EMP2: variants seen among roughly 807,000 people sequenced by gnomAD.
EMP2 encodes epithelial membrane protein 2.
EMP2 carries 19 observed loss-of-function variants against 13.7 expected under a neutral mutation model. The ratio of observed to expected loss-of-function variants is 1.38; its 90% confidence interval spans 0.97 to 2.03. The LOEUF (loss-of-function observed/expected upper bound fraction) is 2.03, where lower values mean the gene tolerates loss of function less well. EMP2 is among the 30% of genes most tolerant of loss of function. The pLI is 0.00. For synonymous variants in EMP2, 97 were observed against 84.7 expected (o/e 1.15, Z -0.80); for missense variants, 253 against 220.7 (o/e 1.15, Z -0.93).
chr16:10,536,386 G>T (rs1202040730), intron 4 of EMP2, among the ~76,000 whole-genome samples: 1 of 152,124 alleles, frequency 6.6e-6, no homozygotes, highest in Non-Finnish European at 1.5e-5. Context: ...CACATGTCAA[G>T]GACGGGGCTA....
At chr16:10,559,750 C>T (rs1023824408) in intron 1 of EMP2, among the ~76,000 whole-genome samples, 1 of 152,218 alleles carries the variant, frequency 6.6e-6, no homozygotes, top group African/African-American at 2.4e-5. Context: ...TCTCAGCTCA[C>T]TGTAACCTCC....
chr16:10,545,323 T>A (rs1260113608), intron 2 of EMP2: 1 of 152,208 alleles, frequency 6.6e-6, no homozygotes, highest in Non-Finnish European at 1.5e-5. Flanking sequence ...GTCCAAATAC[T>A]ATAATCTAGG....
At chr16:10,571,467 G>C (rs1596382603) in intron 1 of EMP2, among the ~76,000 whole-genome samples, 2 of 152,082 alleles carry the variant, frequency 1.3e-5, no homozygotes, top group African/African-American at 4.8e-5. Flanking sequence ...GTGGGGACAG[G>C]AAATCAGCAT....
At chr16:10,550,138 G>A (rs957263057) in intron 1 of EMP2, among the ~76,000 whole-genome samples, 5 of 151,998 alleles carry the variant, frequency 3.3e-5, no homozygotes, top group African/African-American at 9.7e-5. Context: ...CGCCTGCCTC[G>A]GCCTCCCAAA....
intron 1 of EMP2, among the ~76,000 whole-genome samples, chr16:10,579,637 T>A (rs2051009215): frequency 6.6e-6 from 1 of 151,882 alleles, no homozygotes; most frequent in African/African-American, 2.4e-5. Flanking sequence ...CACACTGTAT[T>A]TGAACTGGAG....
At position 10,529,150 on chromosome 16, in the gene EMP2, T is replaced by C. The variant is rs539743440; in HGVS notation, c.*3755A>G. The C allele has an allele frequency of 6.6e-6, 1 of 152,320 alleles. No homozygotes were observed. Among genetic ancestry groups the C allele is most frequent in the South Asian group, 2.1e-4 (1 of 4,828 alleles). The allele number at this position is 152,320 out of a possible 1,614,324, so 9.4% of individuals were successfully genotyped here. ...CTGTCTCCATCACATAGCCCCTCAATGAAAGAATTACAGTACTTTATAAAA... is the reference window on the plus strand; with the variant it reads ...CTGTCTCCATCACATAGCCCCTCAACGAAAGAATTACAGTACTTTATAAAA... On this transcript the variant is annotated 3_prime_UTR_variant, in exon 5 of 5. Transcript: ENST00000359543.
chr16:10,542,195 C>T (rs565502226), intron 3 of EMP2, among the ~76,000 whole-genome samples: 7 of 152,092 alleles, frequency 4.6e-5, no homozygotes, highest in African/African-American at 9.6e-5. Flanking sequence ...CCCAGGAGTT[C>T]GAGACCAGCC....
chr16:10,539,044 A>G (rs1023671680), intron 3 of EMP2, among the ~76,000 whole-genome samples: 2 of 151,744 alleles, frequency 1.3e-5, no homozygotes, highest in Non-Finnish European at 2.9e-5. Context: ...TAAAATGGGG[A>G]TACTAATAGC....
intron 1 of EMP2, among the ~76,000 whole-genome samples, chr16:10,566,592 T>C (rs534026110): frequency 2.0e-5 from 3 of 152,168 alleles, no homozygotes; most frequent in Non-Finnish European, 4.4e-5. Context: ...GCATCATGAA[T>C]CCCACTGTGC....
chr16:10,575,237 C>CTTTTT (rs761837614), intron 1 of EMP2, among the ~76,000 whole-genome samples: 609 of 52,458 alleles, frequency 0.012, 153 homozygotes, highest in East Asian at 0.034. Context: ...AGCTTGCATT[C>CTTTTT]TTTTTTTTTT....
At chr16:10,548,215 T>C (rs76656345) in intron 1 of EMP2, among the ~76,000 whole-genome samples, 4,398 of 152,184 alleles carry the variant, frequency 0.029, 226 homozygotes, top group African/African-American at 0.099. Flanking sequence ...GAATCCCTAA[T>C]TGAGAAAAGC....
chr16:10,566,781 G>T (rs942413060), intron 1 of EMP2, among the ~76,000 whole-genome samples: 1 of 152,116 alleles, frequency 6.6e-6, no homozygotes, highest in Non-Finnish European at 1.5e-5. Context: ...CACAGAGCAT[G>T]CGAGGCTCTT....
At chr16:10,575,790 G>A (rs2050980393) in intron 1 of EMP2, among the ~76,000 whole-genome samples, 1 of 151,966 alleles carries the variant, frequency 6.6e-6, no homozygotes, top group Non-Finnish European at 1.5e-5. Flanking sequence ...CAGACAGCTG[G>A]CAAAGGTCAT....
At chr16:10,556,996 T>A (rs1264384156) in intron 1 of EMP2, among the ~76,000 whole-genome samples, 1 of 152,118 alleles carries the variant, frequency 6.6e-6, no homozygotes, top group Non-Finnish European at 1.5e-5. Context: ...AGGCAACCTC[T>A]CTCTGCACTG....
At chr16:10,578,340 G>A (rs1465629923) in intron 1 of EMP2, among the ~76,000 whole-genome samples, 1 of 152,184 alleles carries the variant, frequency 6.6e-6, no homozygotes, top group African/African-American at 2.4e-5. Flanking sequence ...TATGTGAGAG[G>A]CAGAGAAAAG....
In EMP2 at chr16:10,528,988, G is replaced by C. The variant is rs113696601; in HGVS notation, c.*3917C>G. 22 of 152,156 alleles carry C rather than the reference G, an allele frequency of 1.4e-4. 2 individuals carry two copies. Among genetic ancestry groups the C allele is most frequent in the African/African-American group, 5.3e-4 (22 of 41,486 alleles). The allele number at this position is 152,156 out of a possible 1,614,324, so 9.4% of individuals were successfully genotyped here. A position where few individuals can be genotyped will look rare whatever the true frequency, so the allele number is the denominator to read the frequency against. ...GCAAACTATAGCAGAGTGTGTGGGA[G>C]TGAATAGGTCTCCGATGTTCCTGTA... is the stretch of plus-strand genomic sequence containing the variant. On this transcript the variant is annotated 3_prime_UTR_variant, in exon 5 of 5. Transcript: ENST00000359543.
chr16:10,540,407 G>A (rs1296216188), intron 3 of EMP2, among the ~76,000 whole-genome samples: 1 of 152,106 alleles, frequency 6.6e-6, no homozygotes, highest in African/African-American at 2.4e-5. Context: ...TTGGGAGTTT[G>A]AGGCAGGAGG....
In EMP2 at chr16:10,538,036, G is replaced by A; in HGVS notation, c.208C>T (p.Leu70Phe). 6.2e-7 allele frequency: 1 copy of A among 1,614,090 alleles called. No homozygotes were observed. Among genetic ancestry groups the A allele is most frequent in the Non-Finnish European group, 8.5e-7 (1 of 1,180,008 alleles). ...TLQAVQATMI[L>F]STILCCIAFF... Reference sequence around the variant, plus strand: ...GCGATGCAGCAGAGAATGGTGGAGAGGATCATGGTGGCCTGGACCGCCTGC... The same window carrying A: ...GCGATGCAGCAGAGAATGGTGGAGAAGATCATGGTGGCCTGGACCGCCTGC... The change falls in exon 4 of 5, where the codon CTC becomes TTC. Residue 70 changes from leucine (L) to phenylalanine (F), a missense_variant. Coordinates refer to ENST00000359543, the MANE Select transcript of EMP2 (RefSeq NM_001424.6).
intron 1 of EMP2, among the ~76,000 whole-genome samples, chr16:10,576,161 C>T (rs1302220789): frequency 6.6e-6 from 1 of 152,008 alleles, no homozygotes; most frequent in Non-Finnish European, 1.5e-5. Context: ...TTGTGTGCTA[C>T]TTACATTTTT....
Sources: gnomAD v4.1 joint callset for allele counts (sites outside exome capture counted in the v4.1 genomes callset) on GRCh38, gnomAD v4.1.1 for gene constraint, MANE v1.5 for transcripts, NCBI Gene and HGNC (gene_info 2026-07-23, HGNC 2026-07-21) for gene names.